Variants in FTO observed in about 807,000 individuals in gnomAD.
FTO encodes alpha-ketoglutarate-dependent dioxygenase FTO.
Under a neutral mutation model 63.9 loss-of-function variants are expected in FTO, and 47 were observed. The observed-to-expected ratio is 0.74, with a 90% CI of 0.58 to 0.94. The LOEUF is 0.94. Among genes scored for constraint, FTO ranks in the 40% least tolerant of loss-of-function variants. FTO has a pLI of 0.00. For missense variants in FTO, 562 were observed against 618.1 expected (o/e 0.91, Z 0.96); for synonymous variants, 207 against 224.4 (o/e 0.92, Z 0.69).
intron 7 of FTO, among the ~76,000 whole-genome samples, chr16:53,912,843 GTA>G (rs1427629266): frequency 6.6e-6 from 1 of 152,198 alleles, no homozygotes; most frequent in Non-Finnish European, 1.5e-5. Context: ...TCTTAGCCTA[GTA>G]TATATTATCC....
At chr16:54,079,848 A>G (rs1346803029) in intron 8 of FTO, among the ~76,000 whole-genome samples, 1 of 152,156 alleles carries the variant, frequency 6.6e-6, no homozygotes, top group African/African-American at 2.4e-5. Flanking sequence ...AAAAATCTGG[A>G]CTTTTTATTA....
intron 3 of FTO, among the ~76,000 whole-genome samples, chr16:53,836,947 A>G (rs1362911382): frequency 6.6e-6 from 1 of 152,160 alleles, no homozygotes; most frequent in Non-Finnish European, 1.5e-5. Context: ...CCCTCTTTTG[A>G]TTAACCCAGT....
intron 8 of FTO, among the ~76,000 whole-genome samples, chr16:53,998,012 C>T (rs562130500): frequency 6.6e-6 from 1 of 152,216 alleles, no homozygotes; most frequent in South Asian, 2.1e-4. Flanking sequence ...CTGTCTAGCG[C>T]ACTTCCTAGG....
At chr16:54,051,308 G>A (rs1250058603) in intron 8 of FTO, among the ~76,000 whole-genome samples, 1 of 152,202 alleles carries the variant, frequency 6.6e-6, no homozygotes, top group Non-Finnish European at 1.5e-5. Flanking sequence ...TCCACTATAA[G>A]GAGAAATAGC....
chr16:53,970,827 G>T (rs1479559955), intron 8 of FTO, among the ~76,000 whole-genome samples: 1 of 152,140 alleles, frequency 6.6e-6, no homozygotes, highest in Non-Finnish European at 1.5e-5. Flanking sequence ...TTTAAAACAT[G>T]CAGATAAAAC....
At chr16:54,064,217 T>G (rs2085664240) in intron 8 of FTO, among the ~76,000 whole-genome samples, 1 of 152,164 alleles carries the variant, frequency 6.6e-6, no homozygotes, top group Non-Finnish European at 1.5e-5. Context: ...TCTACTTGAG[T>G]GCTATATATT....
chr16:53,942,382 G>C (rs1374170329), intron 8 of FTO, among the ~76,000 whole-genome samples: 1 of 152,150 alleles, frequency 6.6e-6, no homozygotes, highest in Admixed American at 6.5e-5. Context: ...CTAAGACCAG[G>C]ACAAAAAGAC....
At chr16:53,716,057 T>A (rs769347820) in intron 1 of FTO, among the ~76,000 whole-genome samples, 1 of 152,214 alleles carries the variant, frequency 6.6e-6, no homozygotes, top group Non-Finnish European at 1.5e-5. Context: ...TGTGAATGTG[T>A]ACTTCTTGGG....
At chr16:54,030,913 G>A (rs12445894) in intron 8 of FTO, among the ~76,000 whole-genome samples, 20,415 of 152,088 alleles carry the variant, frequency 0.13, 2,876 homozygotes, top group African/African-American at 0.35. Context: ...GAAGGGGTTC[G>A]TAGAGACCAT....
intron 1 of FTO, among the ~76,000 whole-genome samples, chr16:53,779,221 AT>A (rs2077531273): frequency 6.6e-6 from 1 of 152,174 alleles, no homozygotes; most frequent in Non-Finnish European, 1.5e-5. Flanking sequence ...TGATCATGTA[AT>A]AGAAGAATCC....
intron 7 of FTO, among the ~76,000 whole-genome samples, chr16:53,898,096 G>A (rs766877288): frequency 3.3e-5 from 5 of 152,100 alleles, no homozygotes; most frequent in Non-Finnish European, 7.3e-5. Flanking sequence ...AAGTCAGGTC[G>A]TCGTTTCACT....
chr16:53,941,057 A>T (rs944242460), intron 8 of FTO, among the ~76,000 whole-genome samples: 2 of 152,194 alleles, frequency 1.3e-5, no homozygotes, highest in Non-Finnish European at 2.9e-5. Context: ...CACTTTGTAT[A>T]AGTTACTTAT....
intron 8 of FTO, among the ~76,000 whole-genome samples, chr16:54,093,400 A>C (rs1480734630): frequency 6.6e-6 from 1 of 152,214 alleles, no homozygotes; most frequent in Non-Finnish European, 1.5e-5. Context: ...TCTTCCAAAA[A>C]GTGTAAATTC....
chr16:53,982,751 T>C (rs1380585851), intron 8 of FTO, among the ~76,000 whole-genome samples: 2 of 152,186 alleles, frequency 1.3e-5, no homozygotes, highest in Non-Finnish European at 2.9e-5. Context: ...GAGAAAAATA[T>C]GCAGCTCGAA....
intron 1 of FTO, among the ~76,000 whole-genome samples, chr16:53,744,827 C>G (rs2076610130): frequency 3.1e-5 from 2 of 63,954 alleles, no homozygotes; most frequent in Non-Finnish European, 5.8e-5. Context: ...ACTTTTCTTC[C>G]CCCCCCCCAT....
chr16:54,060,721 G>A (rs1022981475), intron 8 of FTO, among the ~76,000 whole-genome samples: 4 of 152,114 alleles, frequency 2.6e-5, no homozygotes, highest in Non-Finnish European at 2.9e-5. Context: ...CAGCCATACT[G>A]GGACGCTAGT....
At chr16:53,913,765 G>A (rs1476740365) in intron 7 of FTO, among the ~76,000 whole-genome samples, 3 of 152,038 alleles carry the variant, frequency 2.0e-5, no homozygotes, top group Non-Finnish European at 4.4e-5. Flanking sequence ...GATCACCTGA[G>A]GTCAGGAGTT....
intron 8 of FTO, among the ~76,000 whole-genome samples, chr16:54,074,082 C>G (rs935872662): frequency 1.3e-5 from 2 of 151,696 alleles, no homozygotes; most frequent in African/African-American, 2.4e-5. Flanking sequence ...TAGTTCTACC[C>G]TCGAAAACTG....
intron 2 of FTO, among the ~76,000 whole-genome samples, chr16:53,818,584 A>G (rs1017855188): frequency 6.6e-6 from 1 of 152,128 alleles, no homozygotes; most frequent in African/African-American, 2.4e-5. Context: ...AAAGAAGAAA[A>G]TCAAAATGAT....
Sources: gnomAD v4.1 joint callset for allele counts (sites outside exome capture counted in the v4.1 genomes callset) on GRCh38, gnomAD v4.1.1 for gene constraint, MANE v1.5 for transcripts, NCBI Gene and HGNC (gene_info 2026-07-23, HGNC 2026-07-21) for gene names.